The following NEGR1 variants were observed in gnomAD, a reference collection of about 807,000 sequenced individuals.
The protein encoded by NEGR1 is neuronal growth regulator 1.
A neutral mutation model predicts 40.9 loss-of-function variants in NEGR1; 10 were observed. The ratio of observed to expected loss-of-function variants is 0.24; its 90% CI spans 0.15 to 0.42. The LOEUF is 0.42. NEGR1 is among the 10% of genes least tolerant of loss of function. The pLI is 1.00. For synonymous variants in NEGR1, 185 were observed against 166.8 expected (o/e 1.11, Z -0.84); for missense variants, 352 against 438.9 (o/e 0.80, Z 1.77).
intron 1 of NEGR1, among the ~76,000 whole-genome samples, chr1:72,090,548 T>C (rs925753395): frequency 6.6e-6 from 1 of 152,116 alleles, no homozygotes; most frequent in Admixed American, 6.6e-5. Flanking sequence ...GAAACCTATC[T>C]AAGTGCCTAA....
At chr1:71,898,981 CAT>C (rs55674579) in intron 2 of NEGR1, among the ~76,000 whole-genome samples, 14,825 of 49,454 alleles carry the variant, frequency 0.3, 1,634 homozygotes, top group Middle Eastern at 0.37. Context: ...ATATATATAG[CAT>C]ATATATATAT....
At chr1:71,903,941 A>G (rs2101866234) in intron 2 of NEGR1, among the ~76,000 whole-genome samples, 1 of 152,024 alleles carries the variant, frequency 6.6e-6, no homozygotes, top group South Asian at 2.1e-4. Flanking sequence ...TTGGCCTTCT[A>G]ATTTGCATGA....
chr1:72,012,379 G>C (rs1483810759), intron 1 of NEGR1, among the ~76,000 whole-genome samples: 1 of 152,002 alleles, frequency 6.6e-6, no homozygotes, highest in Non-Finnish European at 1.5e-5. Flanking sequence ...TTCTCAGAAA[G>C]ATATTATAAA....
At chr1:72,023,460 T>G (rs1646778576) in intron 1 of NEGR1, among the ~76,000 whole-genome samples, 1 of 152,058 alleles carries the variant, frequency 6.6e-6, no homozygotes, top group Admixed American at 6.6e-5. Context: ...AAAGGCTTAG[T>G]GCTTTAAAAT....
intron 6 of NEGR1, among the ~76,000 whole-genome samples, chr1:71,464,208 A>C (rs2101347512): frequency 6.6e-6 from 1 of 152,260 alleles, no homozygotes; most frequent in South Asian, 2.1e-4. Flanking sequence ...GTGTTGTATC[A>C]TCAAGTCAGG....
chr1:72,233,303 C>T (rs1654438372), intron 1 of NEGR1, among the ~76,000 whole-genome samples: 2 of 152,050 alleles, frequency 1.3e-5, no homozygotes, highest in African/African-American at 4.8e-5. Flanking sequence ...ATAATTACAA[C>T]TTTTATTTTA....
rs190809239 is a variant in NEGR1, at chr1:71,879,058, G to C, written c.409+56021C>G. ...TGAGGCAGGAGAATCACTTGAACCC[G>C]GGAGGCAGAGGTTGTGGTGAGCTGA... On this transcript the variant is annotated intron_variant, in intron 2 of 6. Coordinates refer to ENST00000357731, the MANE Select transcript of NEGR1 (RefSeq NM_173808.3). 5.3e-5 allele frequency among the ~76,000 whole-genome samples: 8 copies of C among 151,900 alleles called. No individual in the cohort carries two copies. In the South Asian group the frequency reaches 1.7e-3, roughly 32 times the overall value.
At chr1:71,652,801 T>C (rs12402398) in intron 4 of NEGR1, among the ~76,000 whole-genome samples, 66,447 of 151,588 alleles carry the variant, frequency 0.44, 15,470 homozygotes, top group East Asian at 0.63. Flanking sequence ...TAGGTGGAGG[T>C]TGCAATGAGC....
intron 1 of NEGR1, among the ~76,000 whole-genome samples, chr1:72,108,493 C>T (rs1054925372): frequency 6.6e-6 from 1 of 151,310 alleles, no homozygotes; most frequent in Non-Finnish European, 1.5e-5. Flanking sequence ...TAACATAACC[C>T]TAGACTCTCA....
chr1:71,990,560 AT>A (rs1188707734), intron 1 of NEGR1, among the ~76,000 whole-genome samples: 2 of 152,070 alleles, frequency 1.3e-5, no homozygotes, highest in African/African-American at 4.8e-5. Context: ...CAAGTAATAT[AT>A]TTTTATATTT....
At chr1:71,689,789 A>C (rs2101620462) in intron 4 of NEGR1, among the ~76,000 whole-genome samples, 1 of 151,310 alleles carries the variant, frequency 6.6e-6, no homozygotes, top group South Asian at 2.1e-4. Flanking sequence ...GTCACAAATA[A>C]ATTAACATTA....
intron 1 of NEGR1, among the ~76,000 whole-genome samples, chr1:72,218,979 C>A (rs1179525477): frequency 1.3e-5 from 2 of 152,004 alleles, no homozygotes; most frequent in Non-Finnish European, 2.9e-5. Context: ...CTGACCAGGG[C>A]ACTCTCTCCT....
In NEGR1 at chr1:72,182,778, G is replaced by GTATA. The variant is rs10546486; in HGVS notation, c.176+99537_176+99540dup. 2.8e-4 allele frequency among the ~76,000 whole-genome samples: 41 copies of GTATA among 146,882 alleles called. 1 individual carries two copies. The highest frequency in any genetic ancestry group is 8.1e-4 in the East Asian group (4 of 4,956). ...TATATGAGTATCTGTGTGTGCGTGT[G>GTATA]TATATATATATATATATATATGTTT... On this transcript the variant is annotated intron_variant, in intron 1 of 6. Coordinates refer to ENST00000357731, the MANE Select transcript of NEGR1 (RefSeq NM_173808.3).
intron 1 of NEGR1, among the ~76,000 whole-genome samples, chr1:72,123,059 G>A (rs1027625996): frequency 6.6e-6 from 1 of 151,852 alleles, no homozygotes; most frequent in African/African-American, 2.4e-5. Context: ...TTTCATGCCA[G>A]AAATTTTATT....
intron 2 of NEGR1, among the ~76,000 whole-genome samples, chr1:71,872,928 A>G (rs890132096): frequency 6.6e-5 from 10 of 151,952 alleles, no homozygotes; most frequent in Admixed American, 5.9e-4. Context: ...TATTTTTCCT[A>G]CTGAAAATGG....
chr1:71,476,202 T>C (rs1319934234), intron 6 of NEGR1, among the ~76,000 whole-genome samples: 1 of 152,104 alleles, frequency 6.6e-6, no homozygotes, highest in Non-Finnish European at 1.5e-5. Context: ...TATCTGATCA[T>C]ATTATAACTA....
chr1:72,124,992 A>C (rs953662364), intron 1 of NEGR1, among the ~76,000 whole-genome samples: 3 of 152,124 alleles, frequency 2.0e-5, no homozygotes, highest in Non-Finnish European at 4.4e-5. Context: ...TGGCGTATAT[A>C]AAAGTCAAAA....
chr1:71,848,680 T>C (rs2101810100), intron 2 of NEGR1, among the ~76,000 whole-genome samples: 1 of 152,336 alleles, frequency 6.6e-6, no homozygotes, highest in Middle Eastern at 3.4e-3. Context: ...CCTAAGTGCT[T>C]TGATGGACAT....
intron 1 of NEGR1, among the ~76,000 whole-genome samples, chr1:72,111,496 T>A (rs2821246): frequency 0.46 from 69,927 of 151,018 alleles, 16,282 homozygotes; most frequent in Non-Finnish European, 0.5. Flanking sequence ...CATAAAGTGC[T>A]GCTTATTAAA....
Sources: gnomAD v4.1 joint callset for allele counts (sites outside exome capture counted in the v4.1 genomes callset) on GRCh38, gnomAD v4.1.1 for gene constraint, MANE v1.5 for transcripts, NCBI Gene and HGNC (gene_info 2026-07-23, HGNC 2026-07-21) for gene names.